Variants in KCND2 observed in about 807,000 individuals in gnomAD.
KCND2 encodes the protein A-type voltage-gated potassium channel KCND2.
KCND2 carries 16 observed loss-of-function variants against 54.4 expected under a neutral mutation model. That is an observed-to-expected ratio of 0.29 (90% confidence interval 0.20 to 0.45). The LOEUF is 0.45. Ranked by LOEUF, KCND2 falls within the 20% of genes least tolerant of loss-of-function variation. The pLI is 1.00. For missense variants in KCND2, 486 were observed against 824.2 expected, an observed-to-expected ratio of 0.59 and a Z score of 5.02; for synonymous variants, 317 against 310.7, an observed-to-expected ratio of 1.02 and a Z score of -0.21.
chr7:120,278,965 T>G (rs1799222421), intron 1 of KCND2, among the ~76,000 whole-genome samples: 1 of 151,826 alleles, frequency 6.6e-6, no homozygotes, highest in Admixed American at 6.6e-5. Context: ...GAATCACCCT[T>G]TTATCCACCC....
intron 1 of KCND2, among the ~76,000 whole-genome samples, chr7:120,385,108 GC>G (rs1800969818): frequency 7.2e-6 from 1 of 138,946 alleles, no homozygotes; most frequent in Admixed American, 8.0e-5. Context: ...TCAGACGCAA[GC>G]AATCATCCCA....
chr7:120,531,356 C>G (rs1324538154), intron 1 of KCND2, among the ~76,000 whole-genome samples: 1 of 152,070 alleles, frequency 6.6e-6, no homozygotes, highest in Non-Finnish European at 1.5e-5. Flanking sequence ...ATTACTCTTT[C>G]AATAGATGAA....
chr7:120,640,553 GA>G (rs1793358290), intron 1 of KCND2, among the ~76,000 whole-genome samples: 1 of 151,798 alleles, frequency 6.6e-6, no homozygotes, highest in South Asian at 2.1e-4. Flanking sequence ...CTTAGAGGAG[GA>G]ATAATTTTAT....
intron 1 of KCND2, among the ~76,000 whole-genome samples, chr7:120,410,979 A>G (rs1437867323): frequency 6.6e-6 from 1 of 151,804 alleles, no homozygotes; most frequent in Non-Finnish European, 1.5e-5. Flanking sequence ...CAAGTTAGGA[A>G]AAGAGGAAGT....
At chr7:120,437,773 T>C (rs1801890703) in intron 1 of KCND2, among the ~76,000 whole-genome samples, 1 of 152,240 alleles carries the variant, frequency 6.6e-6, no homozygotes, top group Non-Finnish European at 1.5e-5. Context: ...GTTCTTGTAG[T>C]AACCATTTGA....
At chr7:120,542,324 G>T (rs1791988847) in intron 1 of KCND2, among the ~76,000 whole-genome samples, 1 of 152,054 alleles carries the variant, frequency 6.6e-6, no homozygotes, top group African/African-American at 2.4e-5. Context: ...AAGAGGGTTT[G>T]GGAGAAACAA....
At chr7:120,304,614 A>T (rs1211552815) in intron 1 of KCND2, among the ~76,000 whole-genome samples, 2 of 152,180 alleles carry the variant, frequency 1.3e-5, no homozygotes, top group African/African-American at 4.8e-5. Context: ...ATGCCAGTTA[A>T]GGTTAAAAAG....
At chr7:120,638,421 T>C (rs1793332328) in intron 1 of KCND2, among the ~76,000 whole-genome samples, 2 of 152,120 alleles carry the variant, frequency 1.3e-5, no homozygotes, top group African/African-American at 2.4e-5. Flanking sequence ...AATTCCATAA[T>C]AAATTTACTA....
intron 1 of KCND2, among the ~76,000 whole-genome samples, chr7:120,603,000 A>G (rs1033812312): frequency 2.6e-5 from 4 of 152,218 alleles, no homozygotes; most frequent in Non-Finnish European, 4.4e-5. Flanking sequence ...ATACAGCACA[A>G]TATTTCCTGG....
chr7:120,547,459 T>A (rs1034940241), intron 1 of KCND2, among the ~76,000 whole-genome samples: 15 of 151,956 alleles, frequency 9.9e-5, no homozygotes, highest in East Asian at 9.7e-4. Context: ...TCTTCACTTC[T>A]CCTATTGCTC....
At position 120,384,491 on chromosome 7, in the gene KCND2, G is replaced by C. The variant is rs190615692; in HGVS notation, c.1115+108744G>C. ...GCATGCATCTTAAGCTCCTACCCCT[G>C]AATAATATGTTCTGTAGTGTTAACT... On this transcript the variant is annotated intron_variant, in intron 1 of 5. Transcript: ENST00000331113. 3.9e-5 allele frequency among the ~76,000 whole-genome samples: 6 copies of C among 152,124 alleles called. No homozygotes were observed. The East Asian group carries it at 9.7e-4, about 25-fold the overall frequency.
At chr7:120,432,625 G>C (rs528142472) in intron 1 of KCND2, among the ~76,000 whole-genome samples, 1 of 152,064 alleles carries the variant, frequency 6.6e-6, no homozygotes, top group South Asian at 2.1e-4. Context: ...GGTATAATTT[G>C]TTTTGGGTTT....
At chr7:120,457,843 T>C (rs1802222264) in intron 1 of KCND2, among the ~76,000 whole-genome samples, 1 of 152,200 alleles carries the variant, frequency 6.6e-6, no homozygotes, top group South Asian at 2.1e-4. Flanking sequence ...TTTACTGTGT[T>C]AGTTGGTTCT....
intron 1 of KCND2, among the ~76,000 whole-genome samples, chr7:120,374,434 C>A (rs1035588209): frequency 6.6e-6 from 1 of 151,594 alleles, no homozygotes; most frequent in Non-Finnish European, 1.5e-5. Context: ...AAAGTGGATT[C>A]GAACTAGGGT....
chr7:120,495,821 T>A (rs1448077149), intron 1 of KCND2, among the ~76,000 whole-genome samples: 1 of 152,152 alleles, frequency 6.6e-6, no homozygotes, highest in East Asian at 1.9e-4. Flanking sequence ...ATAGTAATTC[T>A]GTCTTTAATG....
At chr7:120,379,255 T>C (rs1419643482) in intron 1 of KCND2, among the ~76,000 whole-genome samples, 2 of 152,156 alleles carry the variant, frequency 1.3e-5, no homozygotes, top group East Asian at 1.9e-4. Flanking sequence ...CATACCAGCA[T>C]AGAAGAAGTC....
At chr7:120,383,858 G>A (rs1304253869) in intron 1 of KCND2, among the ~76,000 whole-genome samples, 1 of 152,026 alleles carries the variant, frequency 6.6e-6, no homozygotes, top group Non-Finnish European at 1.5e-5. Flanking sequence ...CATTTTAGTG[G>A]CATGCTTGTT....
At chr7:120,669,115 G>C (rs1791961601) in intron 1 of KCND2, among the ~76,000 whole-genome samples, 1 of 151,852 alleles carries the variant, frequency 6.6e-6, no homozygotes, top group Non-Finnish European at 1.5e-5. Context: ...AAATAAATAG[G>C]ACTTAATAAA....
intron 1 of KCND2, among the ~76,000 whole-genome samples, chr7:120,642,772 C>G (rs1793394295): frequency 6.6e-6 from 1 of 152,106 alleles, no homozygotes; most frequent in East Asian, 1.9e-4. Context: ...TTTAAATAAA[C>G]TATTTCTTTA....
Sources: allele counts gnomAD v4.1 joint callset (sites outside exome capture counted in the v4.1 genomes callset), GRCh38; gene constraint gnomAD v4.1.1; transcripts MANE v1.5; gene names NCBI Gene and HGNC (gene_info 2026-07-23, HGNC 2026-07-21).